The following ZDHHC14 variants were observed in gnomAD, a reference collection of about 807,000 sequenced individuals.
ZDHHC14 encodes palmitoyltransferase ZDHHC14.
Under a neutral mutation model 47.7 loss-of-function variants are expected in ZDHHC14, and 16 were observed. The ratio of observed to expected loss-of-function variants is 0.34; its 90% confidence interval spans 0.23 to 0.51. The LOEUF (loss-of-function observed/expected upper bound fraction) is 0.51. Among genes scored for constraint, ZDHHC14 ranks in the 20% least tolerant of loss-of-function variants. ZDHHC14 has a pLI of 0.97. For missense variants in ZDHHC14, 515 were observed against 662.5 expected, an observed-to-expected ratio of 0.78 and a Z score of 2.44; for synonymous variants, 293 against 278.9, an observed-to-expected ratio of 1.05 and a Z score of -0.50.
At chr6:157,589,726 A>G (rs1388057582) in intron 2 of ZDHHC14, among the ~76,000 whole-genome samples, 1 of 152,186 alleles carries the variant, frequency 6.6e-6, no homozygotes, top group East Asian at 1.9e-4. Flanking sequence ...TCCTTATAGT[A>G]GCATGAAAAT....
chr6:157,605,558 T>G (rs929180764), intron 3 of ZDHHC14, among the ~76,000 whole-genome samples: 1 of 152,178 alleles, frequency 6.6e-6, no homozygotes, highest in African/African-American at 2.4e-5. Flanking sequence ...GGCAGAGACT[T>G]GACTCCGATC....
At chr6:157,421,228 G>A (rs1473971826) in intron 1 of ZDHHC14, among the ~76,000 whole-genome samples, 2 of 151,862 alleles carry the variant, frequency 1.3e-5, no homozygotes, top group African/African-American at 2.4e-5. Flanking sequence ...GCCTGGGCGC[G>A]GTGGCTCACG....
intron 1 of ZDHHC14, among the ~76,000 whole-genome samples, chr6:157,456,032 T>C (rs1360924415): frequency 6.6e-6 from 1 of 152,216 alleles, no homozygotes; most frequent in East Asian, 1.9e-4. Context: ...GTTTTGCTTT[T>C]TCGGCGAGGA....
chr6:157,635,823 TCTTA>T (rs1382569310), intron 5 of ZDHHC14, among the ~76,000 whole-genome samples: 3 of 152,312 alleles, frequency 2.0e-5, no homozygotes, highest in African/African-American at 4.8e-5. Flanking sequence ...AAAGAGATGC[TCTTA>T]CTTATTCAGG....
intron 3 of ZDHHC14, among the ~76,000 whole-genome samples, chr6:157,615,724 C>T (rs576324151): frequency 1.3e-5 from 2 of 152,316 alleles, no homozygotes; most frequent in South Asian, 4.1e-4. Flanking sequence ...ACCCTAGGAA[C>T]TTCACTCAGA....
At chr6:157,492,014 C>G (rs1003424784) in intron 1 of ZDHHC14, among the ~76,000 whole-genome samples, 1 of 152,372 alleles carries the variant, frequency 6.6e-6, no homozygotes, top group East Asian at 1.9e-4. Flanking sequence ...CCGGGGCTCC[C>G]CGCCAGAACA....
chr6:157,495,758 G>A (rs979523165), intron 1 of ZDHHC14, among the ~76,000 whole-genome samples: 1 of 142,356 alleles, frequency 7.0e-6, no homozygotes, highest in Non-Finnish European at 1.5e-5. Context: ...AGGCTGGAGT[G>A]CAGTGGTGTA....
At chr6:157,620,363 A>G (rs564362933) in intron 3 of ZDHHC14, among the ~76,000 whole-genome samples, 7 of 152,306 alleles carry the variant, frequency 4.6e-5, no homozygotes, top group South Asian at 2.1e-4. Context: ...TTACCTCTCA[A>G]TTACCATAGT....
intron 2 of ZDHHC14, among the ~76,000 whole-genome samples, chr6:157,579,195 T>TTTG (rs1783422483): frequency 8.5e-6 from 1 of 117,270 alleles, no homozygotes; most frequent in Non-Finnish European, 1.7e-5. Context: ...TCTGTGTTTT[T>TTTG]TTTTTTTTTT....
rs1778245802 is a variant in ZDHHC14, at chr6:157,427,489, T to C, written c.245+45223T>C. ...GCATGGGTTGGCGTGGGGGTGAGGA[T>C]GGTTGGCTGGGTTCACTCAGGGTTG... On this transcript the variant is annotated intron_variant, in intron 1 of 8. Coordinates refer to ENST00000359775, the MANE Select transcript of ZDHHC14 (RefSeq NM_024630.3). The surrounding 1 kb of genome is among the most constrained non-coding windows in gnomAD (Gnocchi z 4.4). Among the ~76,000 whole-genome samples the C allele has an allele frequency of 6.6e-6, 1 of 151,964 alleles. No individual in the cohort carries two copies. Among genetic ancestry groups the C allele is most frequent in the Non-Finnish European group, 1.5e-5 (1 of 67,978 alleles).
chr6:157,422,882 T>C (rs1778139675), intron 1 of ZDHHC14, among the ~76,000 whole-genome samples: 3 of 152,220 alleles, frequency 2.0e-5, no homozygotes, highest in Admixed American at 6.5e-5. Context: ...CGATGGCCTT[T>C]TGGGTCAAGG....
chr6:157,672,246 T>C (rs939792313), intron 8 of ZDHHC14, among the ~76,000 whole-genome samples: 2 of 152,224 alleles, frequency 1.3e-5, no homozygotes, highest in Admixed American at 1.3e-4. Flanking sequence ...CATCCATCAG[T>C]GGACACTTGA....
rs1783162475 is a variant in ZDHHC14, at chr6:157,573,086, T to A, written c.407-19902T>A. Among the ~76,000 whole-genome samples, 6 of 152,220 alleles carry A rather than the reference T, an allele frequency of 3.9e-5. No individual in the cohort carries two copies. In the South Asian group the frequency reaches 1.2e-3, roughly 32 times the overall value. ...AATCCTTTGTGTTTTCTAACGAAAT[T>A]ACCCCCTACAACTCAAAACCAGCTT... On this transcript the variant is annotated intron_variant, in intron 2 of 8. Coordinates refer to ENST00000359775, the MANE Select transcript of ZDHHC14 (RefSeq NM_024630.3).
chr6:157,511,541 C>T (rs1330074619), intron 1 of ZDHHC14, among the ~76,000 whole-genome samples: 2 of 113,808 alleles, frequency 1.8e-5, no homozygotes, highest in Admixed American at 1.0e-4. Context: ...CCACGAAGCC[C>T]GGGTACTTTT....
At chr6:157,618,364 C>T (rs1785047949) in intron 3 of ZDHHC14, among the ~76,000 whole-genome samples, 1 of 152,088 alleles carries the variant, frequency 6.6e-6, no homozygotes, top group Admixed American at 6.5e-5. Context: ...CTCTGTCACC[C>T]AGGCTGCAGT....
At position 157,525,568 on chromosome 6, in the gene ZDHHC14, C is replaced by T. The variant is rs993957678; in HGVS notation, c.246-17017C>T. Among the ~76,000 whole-genome samples the T allele has an allele frequency of 2.0e-5, 3 of 151,900 alleles. No individual in the cohort carries two copies. In the South Asian group the frequency reaches 6.2e-4, roughly 32 times the overall value. ...ACAGAAGTTGCAGTGTTTTTTGTAA[C>T]CTAATCTTGGAAGTGACACCCCACC... On this transcript the variant is annotated intron_variant, in intron 1 of 8. Coordinates refer to ENST00000359775, the MANE Select transcript of ZDHHC14 (RefSeq NM_024630.3).
intron 1 of ZDHHC14, among the ~76,000 whole-genome samples, chr6:157,511,103 C>G (rs951298257): frequency 6.6e-6 from 1 of 152,186 alleles, no homozygotes; most frequent in African/African-American, 2.4e-5. Flanking sequence ...TTCTCCGACT[C>G]GGCTTCTAAG....
rs1479188035 is a variant in ZDHHC14 at position 157,427,605 on chromosome 6, G to T, written c.245+45339G>T. On this transcript the variant is annotated intron_variant, in intron 1 of 8. Transcript: ENST00000359775. This position sits in a 1 kb window ranked among gnomAD's most constrained non-coding sequence, Gnocchi z 4.4. ...TGATGTGATAAATCACGGGGTCCAG[G>T]CTGGCAGAGATATGAGAGGAGAACA... Among the ~76,000 whole-genome samples, 2 of 152,130 alleles carry T rather than the reference G, an allele frequency of 1.3e-5. No homozygotes were observed. The highest frequency in any genetic ancestry group is 2.4e-5 in the African/African-American group (1 of 41,426).
chr6:157,513,407 A>C (rs1223205181), intron 1 of ZDHHC14, among the ~76,000 whole-genome samples: 1 of 152,186 alleles, frequency 6.6e-6, no homozygotes, highest in Non-Finnish European at 1.5e-5. Flanking sequence ...AGCTGATAGT[A>C]AGTCAGTTTC....
Sources: gnomAD v4.1 joint callset for allele counts (sites outside exome capture counted in the v4.1 genomes callset) on GRCh38, gnomAD v4.1.1 for gene constraint, Gnocchi (gnomAD v3.1) non-coding constraint, MANE v1.5 for transcripts, NCBI Gene and HGNC (gene_info 2026-07-23, HGNC 2026-07-21) for gene names.